ZDHHC2: variants seen among roughly 807,000 people sequenced by gnomAD.
ZDHHC2 encodes the protein palmitoyltransferase ZDHHC2.
A neutral mutation model predicts 55.6 loss-of-function variants in ZDHHC2; 51 were observed. The ratio of observed to expected loss-of-function variants is 0.92; its 90% CI spans 0.73 to 1.16. The LOEUF is 1.16. ZDHHC2 is among the 50% of genes most tolerant of loss of function. ZDHHC2 has a pLI of 0.00. For missense variants in ZDHHC2, 491 were observed against 442.4 expected (o/e 1.11, Z -0.99); for synonymous variants, 199 against 152.9 (o/e 1.30, Z -2.22).
At position 17,213,626 on chromosome 8, in the gene ZDHHC2, C is replaced by G. The variant is rs533445319; in HGVS notation, c.951-1611C>G. ...TCATATATGTATATATTGTTTATTT[C>G]TCTTCCTCCATAACAGTGAAATTTC... On this transcript the variant is annotated intron_variant, in intron 10 of 12. Transcript: ENST00000262096. Among the ~76,000 whole-genome samples, 12 of 152,226 alleles carry G rather than the reference C, an allele frequency of 7.9e-5. No individual in the cohort carries two copies. The South Asian group carries it at 2.3e-3, about 29-fold the overall frequency.
intron 1 of ZDHHC2, among the ~76,000 whole-genome samples, chr8:17,168,154 A>G (rs1161339140): frequency 6.6e-6 from 1 of 152,130 alleles, no homozygotes; most frequent in Admixed American, 6.5e-5. Context: ...ATTCTCTTTC[A>G]TCTATTTCCT....
At chr8:17,163,624 TATC>T in intron 1 of ZDHHC2, among the ~76,000 whole-genome samples, 1 of 152,328 alleles carries the variant, frequency 6.6e-6, no homozygotes, top group Non-Finnish European at 1.5e-5. Flanking sequence ...TTGACAGTTG[TATC>T]ATATCACCCA....
At chr8:17,164,493 C>G (rs888699920) in intron 1 of ZDHHC2, among the ~76,000 whole-genome samples, 3 of 152,072 alleles carry the variant, frequency 2.0e-5, no homozygotes, top group African/African-American at 7.2e-5. Flanking sequence ...ATTAAGCATT[C>G]CTGTCATACT....
At chr8:17,200,832 G>T (rs1331454099) in intron 6 of ZDHHC2, among the ~76,000 whole-genome samples, 1 of 152,128 alleles carries the variant, frequency 6.6e-6, no homozygotes, top group Admixed American at 6.5e-5. Flanking sequence ...CCACCCTTAG[G>T]TGGCAGTGTG....
chr8:17,159,221 G>A (rs1230573718), intron 1 of ZDHHC2, among the ~76,000 whole-genome samples: 2 of 152,142 alleles, frequency 1.3e-5, no homozygotes, highest in East Asian at 1.9e-4. Context: ...CCTACCCCCA[G>A]TATTAATCAC....
intron 8 of ZDHHC2, among the ~76,000 whole-genome samples, chr8:17,208,747 A>G (rs1807229277): frequency 6.6e-6 from 1 of 152,222 alleles, no homozygotes; most frequent in Non-Finnish European, 1.5e-5. Flanking sequence ...AGTAATTTCT[A>G]AGCCCAGGAA....
chr8:17,156,931 C>G lies in ZDHHC2; in HGVS notation c.130+78C>G, dbSNP rs1048486135. The G allele has an allele frequency of 5.6e-5, 74 of 1,322,240 alleles. 1 individual carries two copies. The South Asian group carries it at 6.0e-4, about 11-fold the overall frequency. The allele number at this position is 1,322,240 out of a possible 1,614,324, so 81.9% of individuals were successfully genotyped here. On this transcript the variant is annotated intron_variant, in intron 1 of 12. Transcript: ENST00000262096. ...TGTCCCGGGACGCTCAGCCGCTCCT[C>G]CGCTCTCGCCCCCCGGATGCGCCCC...
intron 1 of ZDHHC2, among the ~76,000 whole-genome samples, chr8:17,179,242 T>C (rs1413013246): frequency 6.6e-6 from 1 of 152,140 alleles, no homozygotes; most frequent in African/African-American, 2.4e-5. Flanking sequence ...TTTGAGCCAC[T>C]GTGCCTGGTT....
intron 1 of ZDHHC2, among the ~76,000 whole-genome samples, chr8:17,183,674 G>C (rs530529017): frequency 6.6e-6 from 1 of 152,208 alleles, no homozygotes; most frequent in East Asian, 1.9e-4. Context: ...GTGAAGATCT[G>C]TCATTTAGAT....
intron 6 of ZDHHC2, among the ~76,000 whole-genome samples, chr8:17,198,684 C>T (rs989985588): frequency 2.0e-5 from 3 of 152,148 alleles, no homozygotes; most frequent in Non-Finnish European, 4.4e-5. Context: ...TATGCATGTG[C>T]ATGAACAGAG....
intron 11 of ZDHHC2, 32 bp from the exon 12 acceptor site, chr8:17,217,139 AC>A: frequency 6.2e-7 from 1 of 1,605,100 alleles, no homozygotes; most frequent in Non-Finnish European, 8.5e-7. Flanking sequence ...TTCAAAAGCA[AC>A]CAAAAATGCT....
intron 1 of ZDHHC2, among the ~76,000 whole-genome samples, chr8:17,182,142 GTTAC>G (rs1364063954): frequency 1.3e-5 from 2 of 152,092 alleles, no homozygotes; most frequent in East Asian, 1.9e-4. Flanking sequence ...CTTTGATAAT[GTTAC>G]TTAATCAGTG....
intron 7 of ZDHHC2, among the ~76,000 whole-genome samples, chr8:17,206,854 T>C (rs1237967104): frequency 2.0e-5 from 3 of 152,222 alleles, no homozygotes; most frequent in Non-Finnish European, 2.9e-5. Flanking sequence ...AGATCACTTA[T>C]GTGAGATTTG....
chr8:17,197,039 C>G (rs991984313), intron 4 of ZDHHC2, among the ~76,000 whole-genome samples: 8 of 151,942 alleles, frequency 5.3e-5, no homozygotes, highest in Admixed American at 1.3e-4. Flanking sequence ...TTAGTTTTAC[C>G]CTACAAAGAC....
intron 3 of ZDHHC2, among the ~76,000 whole-genome samples, chr8:17,193,626 TAG>T (rs1806152013): frequency 6.6e-6 from 1 of 152,198 alleles, no homozygotes; most frequent in Non-Finnish European, 1.5e-5. Context: ...CCCTTCAGGG[TAG>T]AGAGTTTGCT....
chr8:17,194,319 A>G (rs1322833966), intron 3 of ZDHHC2, among the ~76,000 whole-genome samples: 1 of 147,262 alleles, frequency 6.8e-6, no homozygotes, highest in African/African-American at 2.5e-5. Context: ...ATATTTTTGT[A>G]TATATACAAA....
rs1808013241 is a variant in ZDHHC2, at chr8:17,223,819, C to A, written c.*3598C>A. 1 of 151,772 alleles carries A rather than the reference C, an allele frequency of 6.6e-6. No homozygotes were observed. The highest frequency in any genetic ancestry group is 1.5e-5 in the Non-Finnish European group (1 of 67,746). 9.4% of individuals were successfully genotyped at this position (151,772 alleles called of 1,614,324 possible). On this transcript the variant is annotated 3_prime_UTR_variant, in exon 13 of 13. Transcript: ENST00000262096. ...TTACAGAACACAGGAAATTGTTAAA[C>A]CTTATAATGTTGCAAACCATGCATT...
intron 1 of ZDHHC2, among the ~76,000 whole-genome samples, chr8:17,172,960 AT>A (rs1431201868): frequency 4.6e-5 from 7 of 152,256 alleles, no homozygotes; most frequent in Admixed American, 3.3e-4. Flanking sequence ...AAATATTTGA[AT>A]TTTTTGTATC....
rs987489223 is a variant in ZDHHC2 at position 17,222,643 on chromosome 8, A to G, written c.*2422A>G. On this transcript the variant is annotated 3_prime_UTR_variant, in exon 13 of 13. Coordinates refer to ENST00000262096, the MANE Select transcript of ZDHHC2 (RefSeq NM_016353.5). ...GATTGTTATTTCAAAGATATATTAA[A>G]GAACAGTTGCATCTGAATATAATCA... 6.6e-6 allele frequency: 1 copy of G among 151,930 alleles called. No individual in the cohort carries two copies. The highest frequency in any genetic ancestry group is 2.4e-5 in the African/African-American group (1 of 41,432). 9.4% of individuals were successfully genotyped at this position (151,930 alleles called of 1,614,324 possible).
Sources: gnomAD v4.1 joint callset for allele counts (sites outside exome capture counted in the v4.1 genomes callset) on GRCh38, gnomAD v4.1.1 for gene constraint, MANE v1.5 for transcripts, NCBI Gene and HGNC (gene_info 2026-07-23, HGNC 2026-07-21) for gene names.